The following ADGRF5 variants were observed in gnomAD, a reference collection of about 807,000 sequenced individuals.
ADGRF5 encodes the protein adhesion G protein-coupled receptor F5, also known as G-protein coupled receptor 116.
A neutral mutation model predicts 132.3 loss-of-function variants in ADGRF5; 75 were observed. That is an observed-to-expected ratio of 0.57 (90% CI 0.47 to 0.69). The LOEUF (loss-of-function observed/expected upper bound fraction) is 0.69. Among genes scored for constraint, ADGRF5 ranks in the 30% least tolerant of loss-of-function variants. The pLI, the probability that ADGRF5 is intolerant of heterozygous loss-of-function variation, is 0.00. For synonymous variants in ADGRF5, 629 were observed against 597.6 expected (o/e 1.05, Z -0.77); for missense variants, 1,516 against 1,630.6 (o/e 0.93, Z 1.21).
chr6:46,857,992 C>T, intron 17 of ADGRF5, 137 bp downstream of exon 17: 2 of 648,094 alleles, frequency 3.1e-6, no homozygotes, highest in Non-Finnish European at 5.4e-6. Flanking sequence ...ATTGAGTTCT[C>T]ATTATTACTG....
rs776801987 is a variant in ADGRF5, at chr6:46,888,458, T to G, written c.205A>C (p.Ile69Leu). 6.2e-7 allele frequency: 1 copy of G among 1,613,120 alleles called. No individual in the cohort carries two copies. Among genetic ancestry groups the G allele is most frequent in the African/African-American group, 1.3e-5 (1 of 74,904 alleles). The change falls in exon 4 of 21, where the codon ATC becomes CTC. Residue 69 changes from isoleucine (I) to leucine (L), a missense_variant. By Grantham distance (5) the Ile-to-Leu change is conservative. Transcript: ENST00000283296. ...AGGAAGGATGCATTTTCAAAACTGA[T>G]CTCAATATTAACAGTGTATTCTTCA... Reference protein sequence around the residue: ...TAEEYTVNIEISFENASFLDP... With the variant: ...TAEEYTVNIELSFENASFLDP...
chr6:46,854,283 C>G lies in ADGRF5; in HGVS notation c.3962-212G>C, dbSNP rs138660978. Reference sequence around the variant, plus strand: ...GTTCTCATGCATGCGTGGCAGCCAACAAGCAGTCACTACTTCACATCATAC... The same window carrying G: ...GTTCTCATGCATGCGTGGCAGCCAAGAAGCAGTCACTACTTCACATCATAC... On this transcript the variant is annotated intron_variant, in intron 20 of 20. Transcript: ENST00000283296. Among the ~76,000 whole-genome samples the G allele has an allele frequency of 7.9e-3, 1,200 of 152,298 alleles. 14 individuals carry two copies. The highest frequency in any genetic ancestry group is 0.027 in the African/African-American group (1,121 of 41,570).
At chr6:46,871,767 T>C in intron 11 of ADGRF5, 76 bp downstream of exon 11, 3 of 1,016,350 alleles carry the variant, frequency 3.0e-6, no homozygotes, top group Non-Finnish European at 4.3e-6. Flanking sequence ...GATATTTCCA[T>C]AGCTCACAGA....
intron 4 of ADGRF5, among the ~76,000 whole-genome samples, chr6:46,885,415 T>C (rs1366347486): frequency 1.3e-5 from 2 of 152,136 alleles, no homozygotes; most frequent in Non-Finnish European, 2.9e-5. Context: ...AACTAAACTT[T>C]TTGTTTTTCC....
intron 1 of ADGRF5, 103 bp downstream of exon 1, chr6:46,921,610 T>C (rs1342015239): frequency 2.0e-5 from 3 of 152,064 alleles, no homozygotes; most frequent in African/African-American, 7.3e-5. Flanking sequence ...GCAAAGAGGA[T>C]CGTAAGTGGA....
intron 1 of ADGRF5, among the ~76,000 whole-genome samples, chr6:46,909,493 G>A (rs1338139130): frequency 6.6e-6 from 1 of 152,200 alleles, no homozygotes; most frequent in Non-Finnish European, 1.5e-5. Context: ...AGAAGACAGG[G>A]AGAGGAAAAT....
chr6:46,891,262 T>A (rs765309132), intron 3 of ADGRF5, among the ~76,000 whole-genome samples: 1 of 152,188 alleles, frequency 6.6e-6, no homozygotes, highest in Non-Finnish European at 1.5e-5. Context: ...GATTCTCCAA[T>A]GGTTCTGTGA....
chr6:46,894,792 T>A (rs979167134), intron 3 of ADGRF5, among the ~76,000 whole-genome samples: 1 of 152,264 alleles, frequency 6.6e-6, no homozygotes, highest in Non-Finnish European at 1.5e-5. Flanking sequence ...TAACAAAGTG[T>A]CTGGCATATA....
chr6:46,876,180 AG>A (rs1771626160), intron 10 of ADGRF5, among the ~76,000 whole-genome samples: 1 of 152,220 alleles, frequency 6.6e-6, no homozygotes, highest in African/African-American at 2.4e-5. Context: ...AAAGAAGGGC[AG>A]GGTGCCAAGG....
chr6:46,936,005 C>A (rs1561835144), intron 1 of ADGRF5, among the ~76,000 whole-genome samples: 2 of 152,230 alleles, frequency 1.3e-5, no homozygotes, highest in Non-Finnish European at 2.9e-5. Context: ...GAAAGCAGAG[C>A]AACTGCAGCA....
At chr6:46,919,379 C>T (rs2150922190) in intron 1 of ADGRF5, among the ~76,000 whole-genome samples, 1 of 152,298 alleles carries the variant, frequency 6.6e-6, no homozygotes, top group Middle Eastern at 3.4e-3. Context: ...AAGTTACCTG[C>T]TTTACCTGTG....
intron 8 of ADGRF5, 39 bp from the exon 9 acceptor site, chr6:46,880,078 A>C: frequency 7.1e-7 from 1 of 1,407,132 alleles, no homozygotes. Context: ...TCCCAAAGCA[A>C]ATAAATGTCA....
chr6:46,930,471 T>G, intron 1 of ADGRF5, among the ~76,000 whole-genome samples: 1 of 152,058 alleles, frequency 6.6e-6, no homozygotes, highest in Non-Finnish European at 1.5e-5. Context: ...AGTTAAAGAT[T>G]TAACACGGAT....
In ADGRF5 at chr6:46,855,775, G is replaced by T. The variant is rs146533607; in HGVS notation, c.3961+199C>A. On this transcript the variant is annotated intron_variant, in intron 20 of 20. Coordinates refer to ENST00000283296, the MANE Select transcript of ADGRF5 (RefSeq NM_001098518.2). ...TATTCTTTATGAGTTATTATAAGTT[G>T]CTTAGCAAAGGCAGCTGCCCTCTGT... Among the ~76,000 whole-genome samples the T allele has an allele frequency of 7.9e-3, 1,200 of 152,270 alleles. 13 individuals carry two copies. The highest frequency in any genetic ancestry group is 0.027 in the African/African-American group (1,120 of 41,556).
rs145562236 is a variant in ADGRF5 at position 46,940,179 on chromosome 6, C to T, written c.-25+14555G>A. 9.2e-5 allele frequency among the ~76,000 whole-genome samples: 14 copies of T among 152,180 alleles called. No homozygotes were observed. The East Asian group carries it at 1.7e-3, about 19-fold the overall frequency. On this transcript the variant is annotated intron_variant, in intron 1 of 20. Transcript: ENST00000265417. The stretch of plus-strand genomic sequence containing the variant: ...GACTTACTTTGAGACTGAGTGTGCA[C>T]GGATTTTGGTATAACCTGGGGTGAA...
intron 1 of ADGRF5, among the ~76,000 whole-genome samples, chr6:46,912,450 C>T (rs1024072984): frequency 6.6e-6 from 1 of 152,004 alleles, no homozygotes; most frequent in Non-Finnish European, 1.5e-5. Context: ...GCAAGCAGGC[C>T]AGAGTGGCTG....
In ADGRF5 at chr6:46,931,008, C is replaced by T. The variant is rs1777531853; in HGVS notation, c.-25+23726G>A. Reference sequence around the variant, plus strand: ...AGTCAAGGCTGCAGTGAGCTGTGATCACACCACTGCACCCCAGGCTGGGCA... The same window carrying T: ...AGTCAAGGCTGCAGTGAGCTGTGATTACACCACTGCACCCCAGGCTGGGCA... On this transcript the variant is annotated intron_variant, in intron 1 of 20. Coordinates refer to the ADGRF5 transcript ENST00000265417. 2.6e-5 allele frequency among the ~76,000 whole-genome samples: 4 copies of T among 152,116 alleles called. No homozygotes were observed. In the South Asian group the frequency reaches 8.3e-4, roughly 32 times the overall value.
chr6:46,855,738 T>G lies in ADGRF5; in HGVS notation c.3961+236A>C, dbSNP rs530712576. Among the ~76,000 whole-genome samples, 217 of 152,356 alleles carry G rather than the reference T, an allele frequency of 1.4e-3. 1 individual carries two copies. The highest frequency in any genetic ancestry group is 5.1e-3 in the African/African-American group (213 of 41,584). ...ATAGCTCTCCAAATCATTGTCTAGA[T>G]TCTCCAAATCTTATTCTTTATGAGT... On this transcript the variant is annotated intron_variant, in intron 20 of 20. Transcript: ENST00000283296.
chr6:46,872,326 A>G (rs1323338136), intron 10 of ADGRF5, among the ~76,000 whole-genome samples: 1 of 152,204 alleles, frequency 6.6e-6, no homozygotes, highest in Non-Finnish European at 1.5e-5. Context: ...CCGTAATGTT[A>G]AATGAGATAA....
Sources: gnomAD v4.1 joint callset for allele counts (sites outside exome capture counted in the v4.1 genomes callset) on GRCh38, gnomAD v4.1.1 for gene constraint, MANE v1.5 for transcripts, NCBI Gene and HGNC (gene_info 2026-07-23, HGNC 2026-07-21) for gene names.